ABCB1: variants seen among roughly 807,000 people sequenced by gnomAD.
ABCB1 encodes ATP-dependent translocase ABCB1.
ABCB1 carries 69 observed loss-of-function variants against 142.0 expected under a neutral mutation model. That is an observed-to-expected ratio of 0.49 (90% confidence interval 0.40 to 0.59). ABCB1 has a LOEUF of 0.59. ABCB1 is among the 20% of genes least tolerant of loss of function. ABCB1 has a pLI of 0.00. For missense variants in ABCB1, 1,326 were observed against 1,554.7 expected, an observed-to-expected ratio of 0.85 and a Z score of 2.47; for synonymous variants, 532 against 539.2, an observed-to-expected ratio of 0.99 and a Z score of 0.18.
At chr7:87,682,588 A>G (rs1827035411) in intron 1 of ABCB1, among the ~76,000 whole-genome samples, 2 of 152,200 alleles carry the variant, frequency 1.3e-5, no homozygotes, top group South Asian at 4.1e-4. Context: ...GACTAGGTGC[A>G]TTGTCAATGA....
intron 1 of ABCB1, chr7:87,700,395 T>G: frequency 6.4e-7 from 1 of 1,552,142 alleles, no homozygotes; most frequent in African/African-American, 1.4e-5. Context: ...TTTTTAAAAT[T>G]TTATATCGCA....
chr7:87,543,874 T>G lies in ABCB1; in HGVS notation c.2211+255A>C, dbSNP rs542840779. Among the ~76,000 whole-genome samples the G allele has an allele frequency of 2.0e-5, 3 of 152,314 alleles. No individual in the cohort carries two copies. In the South Asian group the frequency reaches 6.2e-4, roughly 32 times the overall value. On this transcript the variant is annotated intron_variant, in intron 17 of 27. Transcript: ENST00000622132. ...GGTATGAGAAAGTCATCTCATCACTTTCATTGACTATTTCAGGAAGCTGGT... is the reference window on the plus strand; with the variant it reads ...GGTATGAGAAAGTCATCTCATCACTGTCATTGACTATTTCAGGAAGCTGGT...
intron 1 of ABCB1, among the ~76,000 whole-genome samples, chr7:87,641,699 A>C (rs1365796238): frequency 1.3e-5 from 2 of 152,146 alleles, no homozygotes; most frequent in Admixed American, 1.3e-4. Flanking sequence ...TCCAAAATAC[A>C]TATTGTTTTG....
rs572243847 is a variant in ABCB1, at chr7:87,621,164, A to C, written c.-330-20086T>G. Among the ~76,000 whole-genome samples, 19 of 152,296 alleles carry C rather than the reference A, an allele frequency of 1.2e-4. No homozygotes were observed. In the South Asian group the frequency reaches 3.3e-3, roughly 27 times the overall value. ...AGAGAGATGTGTCAAAATGATTCTT[A>C]CGTTTCTATGGAAGAACAGACATTC... On this transcript the variant is annotated intron_variant, in intron 1 of 28. Transcript: ENST00000265724.
chr7:87,536,507 G>C lies in ABCB1; in HGVS notation c.2432C>G (p.Thr811Ser). ...VSWFDDPKNT[T>S]GALTTRLAND... ...GGCGAGCCTGGTAGTCAATGCTCCA[G>C]TGGTGTTTTTAGGGTCATCAAACCA... Residue 811 changes from threonine (T) to serine (S), a missense_variant, in exon 20 of 28, where the codon ACT becomes AGT. Transcript: ENST00000622132. 1.2e-6 allele frequency: 2 copies of C among 1,613,966 alleles called. No homozygotes were observed. The highest frequency in any genetic ancestry group is 1.7e-6 in the Non-Finnish European group (2 of 1,179,894).
chr7:87,567,094 A>G, intron 5 of ABCB1, 118 bp from the exon 6 acceptor site: 1 of 912,382 alleles, frequency 1.1e-6, no homozygotes, highest in Non-Finnish European at 1.8e-6. Flanking sequence ...TCCTTAACAA[A>G]TAAGAAGGGG....
rs1823358318 is a variant in ABCB1 at position 87,649,481 on chromosome 7, A to C, written c.-330-48403T>G. Among the ~76,000 whole-genome samples, 4 of 152,192 alleles carry C rather than the reference A, an allele frequency of 2.6e-5. No individual in the cohort carries two copies. In the South Asian group the frequency reaches 8.3e-4, roughly 32 times the overall value. ...TAAATTGTAATTTTCTCTTAAGGGA[A>C]ATAAATGCAAATAAAATGTTTGTTT... On this transcript the variant is annotated intron_variant, in intron 1 of 28. Coordinates refer to the ABCB1 transcript ENST00000265724.
intron 21 of ABCB1, among the ~76,000 whole-genome samples, chr7:87,523,356 G>A (rs1242828711): frequency 6.6e-6 from 1 of 152,156 alleles, no homozygotes; most frequent in Non-Finnish European, 1.5e-5. Context: ...GGCTGGGTAT[G>A]GTGGCTCATG....
rs1327407479 is a variant in ABCB1, at chr7:87,515,422, A to G, written c.3091T>C (p.Leu1031=). ...TCACCAAATGTGACATTTCCTTCCA[A>G]TGTGTTCTGCAATGAGAAGAATAAC... ...YSTEGLMPNT[L]EGNVTFGEVV... The change falls in exon 25 of 28, where the codon TTG becomes CTG. Residue 1031 remains leucine (L), a synonymous_variant. Coordinates refer to ENST00000622132, the MANE Select transcript of ABCB1 (RefSeq NM_001348946.2). 6.2e-7 allele frequency: 1 copy of G among 1,614,058 alleles called. No individual in the cohort carries two copies. Among genetic ancestry groups the G allele is most frequent in the Admixed American group, 1.7e-5 (1 of 60,028 alleles).
chr7:87,526,031 CT>C, intron 21 of ABCB1, among the ~76,000 whole-genome samples: 1 of 152,242 alleles, frequency 6.6e-6, no homozygotes, highest in East Asian at 1.9e-4. Context: ...CCTATATCTT[CT>C]TCCGCATTGT....
chr7:87,533,527 C>T (rs1816152840), intron 20 of ABCB1, among the ~76,000 whole-genome samples: 2 of 152,150 alleles, frequency 1.3e-5, no homozygotes, highest in Non-Finnish European at 2.9e-5. Flanking sequence ...GGAGATTTAA[C>T]CCCTCGGCTT....
chr7:87,576,410 AGT>A (rs56405514), intron 4 of ABCB1, among the ~76,000 whole-genome samples: 2,288 of 149,690 alleles, frequency 0.015, 26 homozygotes, highest in Non-Finnish European at 0.024. Context: ...ACTATATATA[AGT>A]GTGTGTGTAA....
At chr7:87,695,305 G>A (rs1828403935) in intron 1 of ABCB1, among the ~76,000 whole-genome samples, 1 of 152,004 alleles carries the variant, frequency 6.6e-6, no homozygotes, top group African/African-American at 2.4e-5. Context: ...TAAAGGAAAA[G>A]TTTCTGAACT....
At chr7:87,656,175 T>G (rs1824081444) in intron 1 of ABCB1, among the ~76,000 whole-genome samples, 1 of 152,158 alleles carries the variant, frequency 6.6e-6, no homozygotes, top group South Asian at 2.1e-4. Flanking sequence ...ATTTGTTAAT[T>G]AGTACAATTT....
intron 3 of ABCB1, among the ~76,000 whole-genome samples, chr7:87,590,369 A>G (rs188772639): frequency 6.6e-6 from 1 of 152,336 alleles, no homozygotes; most frequent in Admixed American, 6.5e-5. Flanking sequence ...GCCTCCACGG[A>G]GCCTACCTTC....
rs200490161 is a variant in ABCB1, at chr7:87,553,779, A to G, written c.981T>C (p.Ser327=). The G allele has an allele frequency of 1.3e-4, 203 of 1,613,956 alleles. No individual in the cohort carries two copies. The highest frequency in any genetic ancestry group is 1.5e-4 in the Non-Finnish European group (180 of 1,179,938). ...GTTLVLSGEY[S]IGQVLTVFFS... ...CACTTACAGTGAGTACTTGTCCAAT[A>G]GAATATTCCCCTGAGAGGACCAAGG... The change falls in exon 9 of 28, where the codon TCT becomes TCC. Residue 327 remains serine (S), a synonymous_variant. Coordinates refer to ENST00000622132, the MANE Select transcript of ABCB1 (RefSeq NM_001348946.2).
chr7:87,555,602 A>G (rs73383494), intron 8 of ABCB1, among the ~76,000 whole-genome samples: 12,861 of 152,224 alleles, frequency 0.084, 729 homozygotes, highest in African/African-American at 0.16. Context: ...ACAGAACTTC[A>G]TAGTGACAAC....
chr7:87,694,042 G>A, intron 1 of ABCB1: 1 of 1,572,706 alleles, frequency 6.4e-7, no homozygotes, highest in Non-Finnish European at 8.6e-7. Context: ...TATCAGTTAA[G>A]TGATCTTTTT....
At chr7:87,666,118 C>G (rs1825215760) in intron 1 of ABCB1, among the ~76,000 whole-genome samples, 1 of 152,074 alleles carries the variant, frequency 6.6e-6, no homozygotes, top group Non-Finnish European at 1.5e-5. Context: ...AGTGTATAAG[C>G]ATCCCCTTTT....
Sources: allele counts gnomAD v4.1 joint callset (sites outside exome capture counted in the v4.1 genomes callset), GRCh38; gene constraint gnomAD v4.1.1; transcripts MANE v1.5; gene names NCBI Gene and HGNC (gene_info 2026-07-23, HGNC 2026-07-21).